The following GALNTL6 variants were observed in gnomAD, a reference collection of about 807,000 sequenced individuals.
The protein encoded by GALNTL6 is polypeptide N-acetylgalactosaminyltransferase-like 6.
A neutral mutation model predicts 73.7 loss-of-function variants in GALNTL6; 46 were observed. The ratio of observed to expected loss-of-function variants is 0.62; its 90% CI spans 0.49 to 0.80. The LOEUF (loss-of-function observed/expected upper bound fraction) is 0.80, where lower values mean the gene tolerates loss of function less well. GALNTL6 is among the 30% of genes least tolerant of loss of function. The pLI is 0.00. For missense variants in GALNTL6, 604 were observed against 755.0 expected, an observed-to-expected ratio of 0.80 and a Z score of 2.34; for synonymous variants, 259 against 263.7, an observed-to-expected ratio of 0.98 and a Z score of 0.17.
intron 2 of GALNTL6, among the ~76,000 whole-genome samples, chr4:171,975,886 A>C (rs1047457383): frequency 6.6e-6 from 1 of 152,166 alleles, no homozygotes; most frequent in Non-Finnish European, 1.5e-5. Context: ...TAAGTTGTCA[A>C]TTGACTTCAT....
rs1734469993 is a variant in GALNTL6 at position 171,814,592 on chromosome 4, A to G, written c.12A>G (p.Lys4=). 1.9e-6 allele frequency: 3 copies of G among 1,614,028 alleles called. No homozygotes were observed. The highest frequency in any genetic ancestry group is 2.5e-6 in the Non-Finnish European group (3 of 1,179,976). The part of the protein sequence containing the change: MKR[K]QKRFLQMTLL... The stretch of plus-strand genomic sequence containing the variant: ...TGTTACCATTTGCAATGAAGAGGAA[A>G]CAGAAGAGATTTCTGCAGATGACTT... Residue 4 remains lysine (K), a synonymous_variant, in exon 2 of 13, where the codon AAA becomes AAG. Coordinates refer to ENST00000506823, the MANE Select transcript of GALNTL6 (RefSeq NM_001034845.3).
At chr4:172,410,211 T>A (rs757213762) in intron 5 of GALNTL6, among the ~76,000 whole-genome samples, 25 of 152,142 alleles carry the variant, frequency 1.6e-4, no homozygotes, top group Middle Eastern at 6.8e-3. Context: ...TATTTTACTA[T>A]GTATTTTTTC....
chr4:172,283,960 G>A (rs994674047), intron 3 of GALNTL6, among the ~76,000 whole-genome samples: 9 of 152,104 alleles, frequency 5.9e-5, no homozygotes, highest in South Asian at 2.1e-4. Flanking sequence ...ATAAATTAAC[G>A]TATAAACTAA....
chr4:172,813,834 C>A (rs964673767), intron 7 of GALNTL6, 111 bp downstream of exon 7: 2 of 794,618 alleles, frequency 2.5e-6, no homozygotes, highest in Admixed American at 2.9e-5. Flanking sequence ...ATAAAACAGG[C>A]GGCAACAATA....
chr4:172,542,763 C>T (rs973134320), intron 5 of GALNTL6, among the ~76,000 whole-genome samples: 2 of 152,088 alleles, frequency 1.3e-5, no homozygotes, highest in African/African-American at 4.8e-5. Context: ...CAGTTACATT[C>T]CCAACCCAGA....
chr4:173,039,249 C>G (rs566820543), intron 12 of GALNTL6, among the ~76,000 whole-genome samples: 4 of 152,178 alleles, frequency 2.6e-5, no homozygotes, highest in Non-Finnish European at 5.9e-5. Context: ...ACTGGAACAC[C>G]TGCATTATAT....
At chr4:171,904,173 G>A (rs1218187226) in intron 2 of GALNTL6, among the ~76,000 whole-genome samples, 1 of 152,150 alleles carries the variant, frequency 6.6e-6, no homozygotes, top group African/African-American at 2.4e-5. Context: ...AGAGAAGAAG[G>A]CTTCAGACGA....
intron 5 of GALNTL6, among the ~76,000 whole-genome samples, chr4:172,608,622 C>CTT (rs138227359): frequency 5.3e-5 from 8 of 151,280 alleles, no homozygotes; most frequent in East Asian, 1.9e-4. Context: ...GGATTTTTCT[C>CTT]TTTTTTTTGG....
rs143639031 is a variant in GALNTL6, at chr4:172,153,925, G to A, written c.139-75731G>A. Among the ~76,000 whole-genome samples, 598 of 152,302 alleles carry A rather than the reference G, an allele frequency of 3.9e-3. 4 individuals are homozygous for A. The highest frequency in any genetic ancestry group is 0.013 in the African/African-American group (556 of 41,562). ...TTTCAAGGAGGCGTTGCCAAAAGGC[G>A]GCTGAGGCTGCCCGGGAACATTTAA... is the stretch of plus-strand genomic sequence containing the variant. On this transcript the variant is annotated intron_variant, in intron 2 of 12. Transcript: ENST00000506823.
At chr4:172,848,011 T>C (rs1483992929) in intron 7 of GALNTL6, among the ~76,000 whole-genome samples, 1 of 152,218 alleles carries the variant, frequency 6.6e-6, no homozygotes, top group Non-Finnish European at 1.5e-5. Flanking sequence ...ATCTAGAAGC[T>C]TTAATCATTA....
intron 3 of GALNTL6, among the ~76,000 whole-genome samples, chr4:172,238,694 T>G (rs978351526): frequency 1.3e-5 from 2 of 152,202 alleles, no homozygotes; most frequent in African/African-American, 4.8e-5. Context: ...TCAAGGGTGA[T>G]GCTTCCAGCT....
At chr4:172,454,743 C>G (rs1440806320) in intron 5 of GALNTL6, among the ~76,000 whole-genome samples, 3 of 152,218 alleles carry the variant, frequency 2.0e-5, no homozygotes, top group Non-Finnish European at 4.4e-5. Flanking sequence ...CCTGGATGCT[C>G]AGGTTAGTTC....
chr4:172,487,234 CCTGT>C (rs1414625313), intron 5 of GALNTL6, among the ~76,000 whole-genome samples: 9 of 145,772 alleles, frequency 6.2e-5, no homozygotes, highest in South Asian at 2.2e-4. Flanking sequence ...TTCCTTCCTT[CCTGT>C]CTTTCTTTCT....
intron 7 of GALNTL6, among the ~76,000 whole-genome samples, chr4:172,838,782 T>C (rs189800178): frequency 1.9e-4 from 29 of 152,306 alleles, no homozygotes. Context: ...CTCGACAGCC[T>C]GTTTACCCTT....
chr4:172,583,893 CAAAAA>C (rs57722016), intron 5 of GALNTL6, among the ~76,000 whole-genome samples: 2 of 31,618 alleles, frequency 6.3e-5, no homozygotes, highest in African/African-American at 8.5e-5. Context: ...GACTCTGTCT[CAAAAA>C]AAAAAAAAAA....
At chr4:171,915,112 T>A (rs1306562863) in intron 2 of GALNTL6, among the ~76,000 whole-genome samples, 2 of 152,162 alleles carry the variant, frequency 1.3e-5, no homozygotes, top group African/African-American at 4.8e-5. Context: ...ATAATTGAAT[T>A]GTTTTAAAAT....
intron 7 of GALNTL6, among the ~76,000 whole-genome samples, chr4:172,870,403 T>G (rs1288099436): frequency 1.3e-5 from 2 of 152,164 alleles, no homozygotes; most frequent in African/African-American, 2.4e-5. Flanking sequence ...ACTGCTGTAA[T>G]TGTACATATT....
intron 9 of GALNTL6, among the ~76,000 whole-genome samples, chr4:172,948,662 G>C (rs984687447): frequency 8.0e-5 from 12 of 150,124 alleles, no homozygotes; most frequent in African/African-American, 2.9e-4. Context: ...TAGAGATGGG[G>C]TTTCACCATG....
intron 2 of GALNTL6, among the ~76,000 whole-genome samples, chr4:172,020,822 C>T (rs1033079002): frequency 1.3e-5 from 2 of 151,876 alleles, no homozygotes; most frequent in Non-Finnish European, 2.9e-5. Flanking sequence ...CCTGTATTAC[C>T]CTGATACTTA....
Sources: allele counts gnomAD v4.1 joint callset (sites outside exome capture counted in the v4.1 genomes callset), GRCh38; gene constraint gnomAD v4.1.1; transcripts MANE v1.5; gene names NCBI Gene and HGNC (gene_info 2026-07-23, HGNC 2026-07-21).